F10: variants seen among roughly 807,000 people sequenced by gnomAD.
The protein encoded by F10 is Stuart-Prower factor.
Under a neutral mutation model 37.1 loss-of-function variants are expected in F10, and 29 were observed. The observed-to-expected ratio is 0.78, with a 90% CI of 0.58 to 1.07. F10 has a LOEUF of 1.07. Ranked by LOEUF, F10 falls within the 50% of genes least tolerant of loss-of-function variation. The pLI is 0.00. For synonymous variants in F10, 262 were observed against 268.6 expected (o/e 0.98, Z 0.24); for missense variants, 539 against 667.9 (o/e 0.81, Z 2.13).
At chr13:113,142,987 G>C (rs1463557933) in intron 5 of F10, among the ~76,000 whole-genome samples, 1 of 152,178 alleles carries the variant, frequency 6.6e-6, no homozygotes, top group Admixed American at 6.5e-5. Flanking sequence ...ACTTGGAAGG[G>C]TGGTGACTGC....
At position 113,144,328 on chromosome 13, in the gene F10, C is replaced by A; in HGVS notation, c.747+233C>A. 1.6e-6 allele frequency: 1 copy of A among 617,764 alleles called. No individual in the cohort carries two copies. The highest frequency in any genetic ancestry group is 2.8e-6 in the Non-Finnish European group (1 of 354,254). 38.3% of individuals were successfully genotyped at this position (617,764 alleles called of 1,614,324 possible). On this transcript the variant is annotated intron_variant, in intron 6 of 7. Coordinates refer to ENST00000375559, the MANE Select transcript of F10 (RefSeq NM_000504.4). This position sits in a 1 kb window ranked among gnomAD's most constrained non-coding sequence, Gnocchi z 6.4. ...GGCTGAGGGAGAGGCTGGGCCCAGG[C>A]AACGCCCCCCTCAGCCCCTTCCCAC...
At chr13:113,133,571 A>G (rs141503550) in intron 2 of F10, among the ~76,000 whole-genome samples, 94 of 152,342 alleles carry the variant, frequency 6.2e-4, no homozygotes, top group African/African-American at 2.1e-3. Flanking sequence ...ATGTTCAGGT[A>G]CAGATGGTTT....
chr13:113,143,911 CCAG>C lies in F10; in HGVS notation c.571_573del (p.Ser191del). The C allele has an allele frequency of 3.1e-6, 5 of 1,613,436 alleles. No individual in the cohort carries two copies. The highest frequency in any genetic ancestry group is 4.2e-6 in the Non-Finnish European group (5 of 1,180,002). ...AGGAAGAGGTCAGTGGCCCAGGCCACCAGCAGCAGCGGGGAGGCCCCTGACAGC... is the reference window on the plus strand; with the variant it reads ...AGGAAGAGGTCAGTGGCCCAGGCCACCAGCAGCGGGGAGGCCCCTGACAGC... On this transcript the variant is annotated inframe_deletion, in exon 6 of 8. Transcript: ENST00000375559. The surrounding 1 kb of genome is among the most constrained non-coding windows in gnomAD (Gnocchi z 6.8).
intron 4 of F10, among the ~76,000 whole-genome samples, chr13:113,140,169 G>A (rs1485207071): frequency 6.7e-6 from 1 of 150,070 alleles, no homozygotes; most frequent in African/African-American, 2.4e-5. Flanking sequence ...CGCCTGCCAG[G>A]TTCACGCCAT....
At chr13:113,138,964 T>C (rs2036503171) in intron 3 of F10, among the ~76,000 whole-genome samples, 1 of 152,202 alleles carries the variant, frequency 6.6e-6, no homozygotes, top group Admixed American at 6.5e-5. Flanking sequence ...CGTGTTAGTG[T>C]TTGCCTTCTC....
chr13:113,143,700 C>CGGA lies in F10; in HGVS notation c.503-150_503-149insGAG. ...CTGCAGATCCGACCCCTGCCGACGA[C>CGGA]GTGGGGCCTCGCCCTGCAAGCCCGC... On this transcript the variant is annotated intron_variant, in intron 5 of 7. Coordinates refer to ENST00000375559, the MANE Select transcript of F10 (RefSeq NM_000504.4). This position sits in a 1 kb window ranked among gnomAD's most constrained non-coding sequence, Gnocchi z 6.8. The CGGA allele has an allele frequency of 8.7e-7, 1 of 1,143,902 alleles. No homozygotes were observed. Among genetic ancestry groups the CGGA allele is most frequent in the Non-Finnish European group, 1.2e-6 (1 of 828,662 alleles). The allele number at this position is 1,143,902 out of a possible 1,614,324, so 70.9% of individuals were successfully genotyped here. A position where few individuals can be genotyped will look rare whatever the true frequency, so the allele number is the denominator to read the frequency against.
chr13:113,140,723 C>A, intron 4 of F10, 196 bp from the exon 5 acceptor site: 1 of 777,830 alleles, frequency 1.3e-6, no homozygotes, highest in Non-Finnish European at 2.2e-6. Context: ...CTACACCGGG[C>A]ACTGCACCAT....
intron 1 of F10, among the ~76,000 whole-genome samples, chr13:113,124,992 T>C (rs2036357567): frequency 6.6e-6 from 1 of 152,232 alleles, no homozygotes; most frequent in Non-Finnish European, 1.5e-5. Context: ...TGGCTGTTTT[T>C]CTGTCTTCTT....
intron 1 of F10, among the ~76,000 whole-genome samples, chr13:113,123,351 G>C (rs1443922204): frequency 6.6e-6 from 1 of 152,194 alleles, no homozygotes; most frequent in African/African-American, 2.4e-5. Flanking sequence ...CACAGCAGAG[G>C]AGCTCCCAGG....
intron 2 of F10, chr13:113,130,782 T>C (rs953798418): frequency 6.6e-6 from 1 of 152,326 alleles, no homozygotes; most frequent in Admixed American, 6.5e-5. Context: ...AAGTTCACCT[T>C]CTAATGACCC....
chr13:113,141,093 C>G lies in F10; in HGVS notation c.502+43C>G, dbSNP rs548677950. ...CCACAGCCACCCGCTGCCGCTGGGC[C>G]GGGCCAGGGAGGACAAGCCCGTGCC... On this transcript the variant is annotated intron_variant, in intron 5 of 7. Transcript: ENST00000375559. This position sits in a 1 kb window ranked among gnomAD's most constrained non-coding sequence, Gnocchi z 5.4. 2 of 1,610,220 alleles carry G rather than the reference C, an allele frequency of 1.2e-6. No individual in the cohort carries two copies. Among genetic ancestry groups the G allele is most frequent in the South Asian group, 2.2e-5 (2 of 91,016 alleles).
Position 113,140,890 on chromosome 13 carries a change from C to T in F10, c.371-29C>T, listed in dbSNP as rs770118009. ...CCCAGCCTCCATTTCTCCAGCTGTC[C>T]CCAGAGCCAACGTGCCTCTCCTTTG... On this transcript the variant is annotated intron_variant, in intron 4 of 7. Transcript: ENST00000375559. The T allele has an allele frequency of 2.5e-6, 4 of 1,613,828 alleles. No homozygotes were observed. In the South Asian group the frequency reaches 4.4e-5, roughly 18 times the overall value.
At chr13:113,133,222 A>C (rs1367299143) in intron 2 of F10, among the ~76,000 whole-genome samples, 1 of 152,096 alleles carries the variant, frequency 6.6e-6, no homozygotes, top group Non-Finnish European at 1.5e-5. Flanking sequence ...AAGGAAATTG[A>C]AAAAGCAGAA....
intron 3 of F10, 128 bp downstream of exon 3, chr13:113,138,609 G>T: frequency 3.0e-6 from 2 of 669,246 alleles, no homozygotes; most frequent in South Asian, 1.8e-5. Context: ...TTTTCCCTCA[G>T]GGTGTTTCCA....
In F10 at chr13:113,149,090, A is replaced by G; in HGVS notation, c.1040A>G (p.Asp347Gly). ...NVAPACLPER[D>G]WAESTLMTQK... ...GCGCCTGCCTGCCTCCCCGAGCGTGACTGGGCCGAGTCCACGCTGATGACG... is the reference window on the plus strand; with the variant it reads ...GCGCCTGCCTGCCTCCCCGAGCGTGGCTGGGCCGAGTCCACGCTGATGACG... The change falls in exon 8 of 8, where the codon GAC becomes GGC. Residue 347 changes from aspartate to glycine, a missense_variant. Physicochemically the swap from Asp to Gly is moderately conservative, Grantham distance 94. This residue lies in a region of F10 where 409 missense variants were observed against 547.9 expected (regional missense o/e 0.75). Transcript: ENST00000375559. The surrounding 1 kb of genome is among the most constrained non-coding windows in gnomAD (Gnocchi z 7.5). 9 of 1,613,162 alleles carry G rather than the reference A, an allele frequency of 5.6e-6. No individual in the cohort carries two copies. The highest frequency in any genetic ancestry group is 7.6e-6 in the Non-Finnish European group (9 of 1,179,974).
Position 113,122,902 on chromosome 13 carries a change from G to T in F10, c.47G>T (p.Gly16Val). Residue 16 changes from glycine to valine, a missense_variant, in exon 1 of 8, where the codon GGC becomes GTC. Transcript: ENST00000375559. ...GTCCTGCTCAGTGCCTCCCTGGCTG[G>T]CCTCCTGCTGCTCGGGGAAAGTCGT... ...HLVLLSASLA[G>V]LLLLGESLFI... 6.2e-7 allele frequency: 1 copy of T among 1,610,444 alleles called. No individual in the cohort carries two copies.
intron 2 of F10, 82 bp downstream of exon 2, chr13:113,129,694 G>A (rs2036409658): frequency 1.2e-5 from 19 of 1,583,088 alleles, no homozygotes; most frequent in Non-Finnish European, 1.6e-5. Flanking sequence ...CGTCCATCCA[G>A]GGGGGCGGCC....
intron 4 of F10, among the ~76,000 whole-genome samples, chr13:113,140,305 T>C (rs1458514547): frequency 6.6e-6 from 1 of 151,970 alleles, no homozygotes; most frequent in Non-Finnish European, 1.5e-5. Context: ...ATGGTCTCGA[T>C]CTCCTGACCT....
At chr13:113,148,188 G>A (rs1246967405) in intron 7 of F10, among the ~76,000 whole-genome samples, 4 of 151,792 alleles carry the variant, frequency 2.6e-5, no homozygotes, top group Non-Finnish European at 4.4e-5. Flanking sequence ...AAAATTAGCC[G>A]GGCATGGTGG....
Sources: allele counts gnomAD v4.1 joint callset (sites outside exome capture counted in the v4.1 genomes callset), GRCh38; gene constraint gnomAD v4.1.1; regional missense constraint gnomAD v4.1.1; non-coding constraint Gnocchi (gnomAD v3.1); transcripts MANE v1.5; gene names NCBI Gene and HGNC (gene_info 2026-07-23, HGNC 2026-07-21).